SEMA6D: variants seen among roughly 807,000 people sequenced by gnomAD.
SEMA6D encodes semaphorin 6D, also known as semaphorin-6D.
In SEMA6D, 35 loss-of-function variants were observed where a neutral mutation model predicts 106.6. The observed-to-expected ratio is 0.33, with a 90% confidence interval of 0.25 to 0.44. The LOEUF is 0.44. Among genes scored for constraint, SEMA6D ranks in the 20% least tolerant of loss-of-function variants. SEMA6D has a pLI of 1.00. For synonymous variants in SEMA6D, 499 were observed against 487.7 expected (o/e 1.02, Z -0.31); for missense variants, 1,185 against 1,345.9 (o/e 0.88, Z 1.87).
intron 1 of SEMA6D, among the ~76,000 whole-genome samples, chr15:47,315,012 C>T (rs1317920967): frequency 1.3e-5 from 2 of 151,008 alleles, no homozygotes; most frequent in Non-Finnish European, 3.0e-5. Context: ...ACTACAGGCG[C>T]CCGCCATCAC....
intron 2 of SEMA6D, among the ~76,000 whole-genome samples, chr15:47,441,901 C>G (rs184986833): frequency 3.9e-5 from 6 of 151,916 alleles, no homozygotes; most frequent in Non-Finnish European, 7.4e-5. Context: ...TCTCCTGTAA[C>G]CTCAAATTCC....
intron 4 of SEMA6D, among the ~76,000 whole-genome samples, chr15:47,669,560 T>A (rs751314344): frequency 2.0e-5 from 3 of 152,188 alleles, no homozygotes; most frequent in African/African-American, 7.2e-5. Context: ...TCCTTTATTA[T>A]TCTCCATGGC....
At chr15:47,611,669 A>G (rs1011644589) in intron 4 of SEMA6D, among the ~76,000 whole-genome samples, 5 of 152,240 alleles carry the variant, frequency 3.3e-5, no homozygotes, top group Non-Finnish European at 5.9e-5. Context: ...TCTTAGAACA[A>G]TGTTTACAGA....
intron 3 of SEMA6D, among the ~76,000 whole-genome samples, chr15:47,599,911 A>G (rs1373763395): frequency 6.6e-6 from 1 of 152,072 alleles, no homozygotes; most frequent in Non-Finnish European, 1.5e-5. Context: ...TTTAATGGCA[A>G]AACACCAAGA....
intron 1 of SEMA6D, among the ~76,000 whole-genome samples, chr15:47,395,158 T>G (rs1453672761): frequency 5.3e-5 from 8 of 152,128 alleles, no homozygotes; most frequent in Non-Finnish European, 2.9e-5. Context: ...AAAGACAAAG[T>G]GCTTCAATTA....
chr15:47,673,009 A>G (rs2145427096), intron 4 of SEMA6D, among the ~76,000 whole-genome samples: 1 of 152,134 alleles, frequency 6.6e-6, no homozygotes, highest in East Asian at 1.9e-4. Flanking sequence ...AAGATCCTTC[A>G]TTTCCCTAGT....
intron 3 of SEMA6D, among the ~76,000 whole-genome samples, chr15:47,588,569 C>T (rs953761869): frequency 3.9e-5 from 6 of 152,166 alleles, no homozygotes; most frequent in African/African-American, 1.2e-4. Context: ...CCACAAATCA[C>T]GAATTTGAGA....
chr15:47,273,983 T>G (rs2034683033), intron 1 of SEMA6D, among the ~76,000 whole-genome samples: 1 of 152,106 alleles, frequency 6.6e-6, no homozygotes, highest in Non-Finnish European at 1.5e-5. Flanking sequence ...AGACAGAAAC[T>G]GAAATGTACT....
chr15:47,623,657 A>G (rs1321623958), intron 4 of SEMA6D, among the ~76,000 whole-genome samples: 1 of 152,184 alleles, frequency 6.6e-6, no homozygotes, highest in East Asian at 1.9e-4. Context: ...TAGCCATGAC[A>G]GACATGGGAA....
intron 3 of SEMA6D, among the ~76,000 whole-genome samples, chr15:47,495,057 A>T (rs1296556946): frequency 6.6e-6 from 1 of 151,612 alleles, no homozygotes; most frequent in African/African-American, 2.4e-5. Context: ...GTCAATAAAA[A>T]TACTGAATAT....
chr15:47,201,659 T>G (rs961178095), intron 1 of SEMA6D, among the ~76,000 whole-genome samples: 2 of 152,118 alleles, frequency 1.3e-5, no homozygotes, highest in Non-Finnish European at 2.9e-5. Context: ...TACCACTACC[T>G]CACTGAAGCC....
intron 4 of SEMA6D, among the ~76,000 whole-genome samples, chr15:47,641,271 A>T (rs1031033538): frequency 3.9e-5 from 6 of 152,320 alleles, no homozygotes; most frequent in East Asian, 1.9e-4. Flanking sequence ...AGCAGATTTT[A>T]AAAAACCAGC....
intron 1 of SEMA6D, among the ~76,000 whole-genome samples, chr15:47,208,804 G>A (rs759045348): frequency 2.0e-5 from 3 of 152,050 alleles, no homozygotes; most frequent in Non-Finnish European, 4.4e-5. Context: ...TTGGTCTTGG[G>A]CATGTCCTAT....
intron 4 of SEMA6D, among the ~76,000 whole-genome samples, chr15:47,636,373 C>G (rs1211104814): frequency 6.6e-6 from 1 of 152,144 alleles, no homozygotes; most frequent in Non-Finnish European, 1.5e-5. Flanking sequence ...GACAATAATG[C>G]AACCCTTTGT....
intron 1 of SEMA6D, among the ~76,000 whole-genome samples, chr15:47,359,219 G>A (rs1285397827): frequency 6.6e-6 from 1 of 152,062 alleles, no homozygotes; most frequent in Admixed American, 6.6e-5. Context: ...ATGTACATGT[G>A]TACATATTTA....
At chr15:47,292,681 C>T (rs1040494824) in intron 1 of SEMA6D, among the ~76,000 whole-genome samples, 5 of 152,236 alleles carry the variant, frequency 3.3e-5, no homozygotes, top group African/African-American at 9.6e-5. Context: ...TAAGGGCAAA[C>T]GTTAGCCTTG....
At chr15:47,652,455 C>T (rs1211389318) in intron 4 of SEMA6D, among the ~76,000 whole-genome samples, 2 of 152,120 alleles carry the variant, frequency 1.3e-5, no homozygotes, top group South Asian at 2.1e-4. Flanking sequence ...TCCCCAGACC[C>T]CCTCCTCACC....
At chr15:47,250,183 A>G (rs2033432033) in intron 1 of SEMA6D, among the ~76,000 whole-genome samples, 2 of 152,286 alleles carry the variant, frequency 1.3e-5, no homozygotes, top group East Asian at 1.9e-4. Context: ...ATGATTGTCT[A>G]TATTTTGTAA....
chr15:47,368,501 C>T (rs1395074069), intron 1 of SEMA6D, among the ~76,000 whole-genome samples: 4 of 151,914 alleles, frequency 2.6e-5, no homozygotes, highest in Non-Finnish European at 4.4e-5. Context: ...GACGGAGTCT[C>T]GCTCTGTCGC....
Sources: gnomAD v4.1 joint callset for allele counts (sites outside exome capture counted in the v4.1 genomes callset) on GRCh38, gnomAD v4.1.1 for gene constraint, MANE v1.5 for transcripts, NCBI Gene and HGNC (gene_info 2026-07-23, HGNC 2026-07-21) for gene names.